MTHFD1L: variants seen among roughly 807,000 people sequenced by gnomAD.
The protein encoded by MTHFD1L is methylenetetrahydrofolate dehydrogenase (NADP+ dependent) 1 like.
In MTHFD1L, 81 loss-of-function variants were observed where a neutral mutation model predicts 119.5. That is an observed-to-expected ratio of 0.68 (90% confidence interval 0.57 to 0.82). The LOEUF is 0.82. Among genes scored for constraint, MTHFD1L ranks in the 40% least tolerant of loss-of-function variants. The pLI, the probability that MTHFD1L is intolerant of heterozygous loss-of-function variation, is 0.00. For missense variants in MTHFD1L, 1,125 were observed against 1,253.4 expected, an observed-to-expected ratio of 0.90 and a Z score of 1.55; for synonymous variants, 430 against 475.2, an observed-to-expected ratio of 0.90 and a Z score of 1.24.
At chr6:151,044,908 G>C (rs531476721) in intron 26 of MTHFD1L, among the ~76,000 whole-genome samples, 1 of 152,180 alleles carries the variant, frequency 6.6e-6, no homozygotes, top group Admixed American at 6.5e-5. Context: ...CTGCGGCCCC[G>C]GCCCGTGGAC....
At chr6:150,966,579 T>G (rs894397553) in intron 19 of MTHFD1L, among the ~76,000 whole-genome samples, 4 of 152,096 alleles carry the variant, frequency 2.6e-5, no homozygotes, top group African/African-American at 9.7e-5. Flanking sequence ...TCCCAGCACT[T>G]TGGGAGGCCA....
Position 151,062,828 on chromosome 6 carries a change from C to CAT in MTHFD1L, c.2847+25727_2847+25728dup, listed in dbSNP as rs34593749. On this transcript the variant is annotated intron_variant, in intron 26 of 27. Coordinates refer to ENST00000367321, the MANE Select transcript of MTHFD1L (RefSeq NM_015440.5). ...CTTGGATAGAAGGATACAAGACAGC[C>CAT]ATATATATATATATATACAGCTGTT... 5.1e-3 allele frequency among the ~76,000 whole-genome samples: 758 copies of CAT among 149,784 alleles called. 11 individuals carry two copies. The highest frequency in any genetic ancestry group is 0.016 in the African/African-American group (639 of 40,766).
chr6:150,986,661 G>T (rs1037925866), intron 20 of MTHFD1L, among the ~76,000 whole-genome samples: 4 of 152,174 alleles, frequency 2.6e-5, no homozygotes, highest in Non-Finnish European at 4.4e-5. Flanking sequence ...CCTGCTGTGC[G>T]ACCCAGTTCC....
intron 26 of MTHFD1L, among the ~76,000 whole-genome samples, chr6:151,086,000 G>A (rs12199063): frequency 0.3 from 45,908 of 151,786 alleles, 7,309 homozygotes; most frequent in South Asian, 0.47. Flanking sequence ...TTGCTGAGTC[G>A]AATGAACTTC....
intron 10 of MTHFD1L, among the ~76,000 whole-genome samples, chr6:150,925,164 A>G (rs1789721814): frequency 6.6e-6 from 1 of 152,190 alleles, no homozygotes; most frequent in African/African-American, 2.4e-5. Flanking sequence ...GCCCACCGCA[A>G]GGAGGCAGAC....
At chr6:150,898,665 G>T (rs1365054986) in intron 7 of MTHFD1L, among the ~76,000 whole-genome samples, 1 of 152,040 alleles carries the variant, frequency 6.6e-6, no homozygotes, top group East Asian at 1.9e-4. Flanking sequence ...ACTGCAACTT[G>T]AGCATTTCCT....
rs899637806 is a variant in MTHFD1L, at chr6:150,926,050, C to G, written c.1083-72C>G. On this transcript the variant is annotated intron_variant, in intron 10 of 27. Coordinates refer to ENST00000367321, the MANE Select transcript of MTHFD1L (RefSeq NM_015440.5). This position sits in a 1 kb window ranked among gnomAD's most constrained non-coding sequence, Gnocchi z 4.3. ...ATTTCATCGTTGGCGTGATGTGTGG[C>G]TGTTTTCACTCCAGTTGTGACCACC... 2 of 1,352,096 alleles carry G rather than the reference C, an allele frequency of 1.5e-6. No individual in the cohort carries two copies. The highest frequency in any genetic ancestry group is 4.3e-5 in the Admixed American group (2 of 46,262). The allele number at this position is 1,352,096 out of a possible 1,614,324, so 83.8% of individuals were successfully genotyped here. A position where few individuals can be genotyped will look rare whatever the true frequency, so the allele number is the denominator to read the frequency against.
At chr6:150,971,851 A>T in intron 19 of MTHFD1L, 96 bp from the exon 20 acceptor site, 2 of 1,000,196 alleles carry the variant, frequency 2.0e-6, no homozygotes, top group Non-Finnish European at 3.1e-6. Flanking sequence ...TGCAGTATTC[A>T]TAAAAGCTTT....
chr6:151,047,435 T>C (rs928418199), intron 26 of MTHFD1L, among the ~76,000 whole-genome samples: 1 of 152,108 alleles, frequency 6.6e-6, no homozygotes, highest in Non-Finnish European at 1.5e-5. Flanking sequence ...TAATTTATGT[T>C]GGATTAAATG....
intron 18 of MTHFD1L, among the ~76,000 whole-genome samples, chr6:150,963,275 A>G (rs1454616351): frequency 1.3e-5 from 2 of 152,146 alleles, no homozygotes; most frequent in Non-Finnish European, 2.9e-5. Context: ...GGTTGCATTC[A>G]TATCATGTGT....
rs767935436 is a variant in MTHFD1L, at chr6:150,971,942, T to C, written c.2014-5T>C. 4 of 1,613,574 alleles carry C rather than the reference T, an allele frequency of 2.5e-6. No homozygotes were observed. In the African/African-American group the frequency reaches 5.3e-5, roughly 22 times the overall value. ...GGATTTTGATTTGCTTTTTCACTTC[T>C]CTAGGGGACACCTGTGTTCGTGCAT... On this transcript the variant is annotated splice_polypyrimidine_tract_variant and splice_region_variant and intron_variant, in intron 19 of 27. Transcript: ENST00000367321.
intron 26 of MTHFD1L, among the ~76,000 whole-genome samples, chr6:151,049,167 C>T (rs917320998): frequency 2.0e-5 from 3 of 152,162 alleles, no homozygotes; most frequent in Non-Finnish European, 4.4e-5. Flanking sequence ...ACCAGCCTGG[C>T]CAACATGGTG....
intron 24 of MTHFD1L, among the ~76,000 whole-genome samples, chr6:151,019,242 A>ATCTGATCATGCCG (rs1783593826): frequency 1.3e-5 from 2 of 152,146 alleles, no homozygotes; most frequent in African/African-American, 4.8e-5. Flanking sequence ...TGATCATGCC[A>ATCTGATCATGCCG]TCTTGCCGTC....
At chr6:150,925,381 A>G (rs1331283614) in intron 10 of MTHFD1L, among the ~76,000 whole-genome samples, 1 of 152,162 alleles carries the variant, frequency 6.6e-6, no homozygotes, top group East Asian at 1.9e-4. Context: ...CCCAGAGGAA[A>G]GAGTCCAGCA....
chr6:151,073,252 G>A (rs6912618), intron 26 of MTHFD1L, among the ~76,000 whole-genome samples: 108,217 of 152,060 alleles, frequency 0.71, 41,374 homozygotes, highest in East Asian at 0.91. Context: ...ATGCAAGTGC[G>A]TACTGATCAA....
At chr6:151,068,937 G>A (rs1339788905) in intron 26 of MTHFD1L, among the ~76,000 whole-genome samples, 3 of 152,164 alleles carry the variant, frequency 2.0e-5, no homozygotes, top group Non-Finnish European at 4.4e-5. Context: ...TTGATCATGG[G>A]ATCCCGCTTT....
intron 24 of MTHFD1L, among the ~76,000 whole-genome samples, chr6:151,017,173 C>T (rs1783210123): frequency 6.6e-6 from 1 of 152,104 alleles, no homozygotes; most frequent in African/African-American, 2.4e-5. Flanking sequence ...AAAACTGAAA[C>T]TGTACCCACT....
At chr6:150,892,495 T>C (rs142761596) in intron 7 of MTHFD1L, among the ~76,000 whole-genome samples, 1,534 of 152,282 alleles carry the variant, frequency 0.01, 24 homozygotes, top group African/African-American at 0.034. Flanking sequence ...CACGTTTTTT[T>C]CCCTAAGTCC....
intron 19 of MTHFD1L, among the ~76,000 whole-genome samples, chr6:150,965,824 A>C (rs866679926): frequency 2.6e-5 from 4 of 152,212 alleles, no homozygotes; most frequent in African/African-American, 9.7e-5. Flanking sequence ...AAAATACAAT[A>C]AATGCCAAGA....
Sources: gnomAD v4.1 joint callset for allele counts (sites outside exome capture counted in the v4.1 genomes callset) on GRCh38, gnomAD v4.1.1 for gene constraint, Gnocchi (gnomAD v3.1) non-coding constraint, MANE v1.5 for transcripts, NCBI Gene and HGNC (gene_info 2026-07-23, HGNC 2026-07-21) for gene names.